The following KCNK13 variants were observed in gnomAD, a reference collection of about 807,000 sequenced individuals.
KCNK13 encodes potassium channel subfamily K member 13.
Under a neutral mutation model 23.4 loss-of-function variants are expected in KCNK13, and 12 were observed. The observed-to-expected ratio is 0.51, with a 90% CI of 0.33 to 0.83. The LOEUF is 0.83. KCNK13 is among the 40% of genes least tolerant of loss of function. KCNK13 has a pLI of 0.02. For missense variants in KCNK13, 463 were observed against 556.3 expected (o/e 0.83, Z 1.69); for synonymous variants, 231 against 229.5 (o/e 1.01, Z -0.06).
chr14:90,062,545 T>C lies in KCNK13; in HGVS notation c.334+6T>C. ...CACCGTCGTTTCCACCATAGGTAAGTGTGCTGGCCGGACTCGCTGACAACC... is the reference window on the plus strand; with the variant it reads ...CACCGTCGTTTCCACCATAGGTAAGCGTGCTGGCCGGACTCGCTGACAACC... On this transcript the variant is annotated splice_donor_region_variant and intron_variant, in intron 1 of 1. Coordinates refer to ENST00000282146, the MANE Select transcript of KCNK13 (RefSeq NM_022054.4). The surrounding 1 kb of genome is among the most constrained non-coding windows in gnomAD (Gnocchi z 4.5). The C allele has an allele frequency of 2.0e-6, 3 of 1,468,662 alleles. No homozygotes were observed. In the South Asian group the frequency reaches 4.2e-5, roughly 20 times the overall value. 91.0% of individuals were successfully genotyped at this position (1,468,662 alleles called of 1,614,324 possible).
chr14:90,132,907 A>G, intron 1 of KCNK13, among the ~76,000 whole-genome samples: 1 of 152,030 alleles, frequency 6.6e-6, no homozygotes, highest in East Asian at 1.9e-4. Context: ...CTGCCACTTC[A>G]CCTTTCCTGC....
chr14:90,106,039 G>T (rs1195344826), intron 1 of KCNK13, among the ~76,000 whole-genome samples: 1 of 152,198 alleles, frequency 6.6e-6, no homozygotes, highest in Non-Finnish European at 1.5e-5. Context: ...TCTGAAACTA[G>T]TTATCCCTGT....
At chr14:90,080,508 C>G (rs911443171) in intron 1 of KCNK13, among the ~76,000 whole-genome samples, 3 of 151,766 alleles carry the variant, frequency 2.0e-5, no homozygotes, top group Non-Finnish European at 4.4e-5. Flanking sequence ...GTATGACGCT[C>G]AGGAAAGAGG....
At chr14:90,083,938 A>G (rs1300582520) in intron 1 of KCNK13, among the ~76,000 whole-genome samples, 1 of 152,186 alleles carries the variant, frequency 6.6e-6, no homozygotes, top group East Asian at 1.9e-4. Context: ...CACTAGTCTT[A>G]GCCCCATTTA....
At chr14:90,074,004 C>T (rs1356388359) in intron 1 of KCNK13, among the ~76,000 whole-genome samples, 7 of 148,816 alleles carry the variant, frequency 4.7e-5, no homozygotes, top group Admixed American at 3.3e-4. Context: ...GATGGGGGGA[C>T]GGAGCCCAGG....
Position 90,184,962 on chromosome 14 carries a change from A to G in KCNK13, c.1186A>G (p.Ile396Val), listed in dbSNP as rs748243594. 20 of 1,609,068 alleles carry G rather than the reference A, an allele frequency of 1.2e-5. No homozygotes were observed. In the East Asian group the frequency reaches 1.6e-4, roughly 13 times the overall value. Reference protein sequence around the residue: ...EFSGGVGAFAIMNNRLAETSG... With the variant: ...EFSGGVGAFAVMNNRLAETSG... ...CTCAGGGGGGGTGGGAGCCTTTGCA[A>G]TCATGAACAACAGGTTGGCAGAGAC... The change falls in exon 2 of 2, where the codon ATC becomes GTC. Residue 396 changes from isoleucine (I) to valine (V), a missense_variant. Ile to Val is a conservative substitution (Grantham distance 29). Transcript: ENST00000282146. The surrounding 1 kb of genome is among the most constrained non-coding windows in gnomAD (Gnocchi z 5.6).
chr14:90,162,035 C>G (rs888912054), intron 1 of KCNK13, among the ~76,000 whole-genome samples: 1 of 152,156 alleles, frequency 6.6e-6, no homozygotes, highest in South Asian at 2.1e-4. Flanking sequence ...AAAAACTTAC[C>G]CAGACGTGGC....
At chr14:90,144,542 G>A (rs1036683674) in intron 1 of KCNK13, among the ~76,000 whole-genome samples, 39 of 122,478 alleles carry the variant, frequency 3.2e-4, no homozygotes, top group African/African-American at 1.1e-3. Flanking sequence ...TGTCACCCAG[G>A]CTGGAGTGTA....
At chr14:90,150,005 A>G (rs533435680) in intron 1 of KCNK13, among the ~76,000 whole-genome samples, 4 of 152,240 alleles carry the variant, frequency 2.6e-5, no homozygotes, top group African/African-American at 7.2e-5. Flanking sequence ...ACCAGCAATT[A>G]CAGTACAGAG....
intron 1 of KCNK13, among the ~76,000 whole-genome samples, chr14:90,093,790 G>T (rs1889376564): frequency 6.6e-6 from 1 of 152,178 alleles, no homozygotes; most frequent in Non-Finnish European, 1.5e-5. Flanking sequence ...TTGTTCATGG[G>T]TGGAGATTTA....
At chr14:90,167,164 C>T (rs1032908836) in intron 1 of KCNK13, among the ~76,000 whole-genome samples, 1 of 152,150 alleles carries the variant, frequency 6.6e-6, no homozygotes, top group Non-Finnish European at 1.5e-5. Flanking sequence ...CTCTGAAAAT[C>T]GGGCACAGAC....
intron 1 of KCNK13, among the ~76,000 whole-genome samples, chr14:90,107,367 A>G (rs1596780696): frequency 6.6e-6 from 1 of 151,692 alleles, no homozygotes; most frequent in African/African-American, 2.4e-5. Flanking sequence ...AGTCCCAGCT[A>G]CTTGGGAGGC....
At chr14:90,099,495 A>G (rs537021584) in intron 1 of KCNK13, among the ~76,000 whole-genome samples, 136 of 152,304 alleles carry the variant, frequency 8.9e-4, no homozygotes, top group African/African-American at 3.1e-3. Flanking sequence ...ATTTGGCTCC[A>G]GGAGATTGAG....
In KCNK13 at chr14:90,185,151, G is replaced by A. The variant is rs1038321295; in HGVS notation, c.*148G>A. On this transcript the variant is annotated 3_prime_UTR_variant, in exon 2 of 2. Coordinates refer to ENST00000282146, the MANE Select transcript of KCNK13 (RefSeq NM_022054.4). ...CAAGCATCTTTAGAAATCTGATCTC[G>A]GCTCCAACCAACAGCCACCTTCCAG... 14 of 659,044 alleles carry A rather than the reference G, an allele frequency of 2.1e-5. No individual in the cohort carries two copies. The highest frequency in any genetic ancestry group is 1.4e-4 in the African/African-American group (8 of 55,520). 40.8% of individuals were successfully genotyped at this position (659,044 alleles called of 1,614,324 possible).
rs1011577338 is a variant in KCNK13, at chr14:90,179,924, GC to G, written c.335-4180del. Among the ~76,000 whole-genome samples the G allele has an allele frequency of 4.6e-5, 7 of 152,146 alleles. No individual in the cohort carries two copies. In the South Asian group the frequency reaches 1.0e-3, roughly 23 times the overall value. On this transcript the variant is annotated intron_variant, in intron 1 of 1. Coordinates refer to ENST00000282146, the MANE Select transcript of KCNK13 (RefSeq NM_022054.4). ...TAGCTTGTGATGCCAGCCAAACCCT[GC>G]CCCCCCTCTCCGGTTTTGGTACCAG... is the stretch of plus-strand genomic sequence containing the variant.
At chr14:90,068,913 G>A (rs1281979701) in intron 1 of KCNK13, among the ~76,000 whole-genome samples, 2 of 152,126 alleles carry the variant, frequency 1.3e-5, no homozygotes, top group Non-Finnish European at 2.9e-5. Flanking sequence ...TCCAGATGCA[G>A]GGATGTGCCG....
chr14:90,150,361 T>TC (rs142895180), intron 1 of KCNK13, among the ~76,000 whole-genome samples: 10,911 of 152,090 alleles, frequency 0.072, 466 homozygotes, highest in South Asian at 0.21. Context: ...ACACCTGTAA[T>TC]CCAGCGTTTG....
chr14:90,107,653 AG>A, intron 1 of KCNK13: 1 of 665,648 alleles, frequency 1.5e-6, no homozygotes, highest in Non-Finnish European at 2.8e-6. Context: ...GATTCTTCCC[AG>A]GGGGACCGCA....
chr14:90,184,874 A>G lies in KCNK13; in HGVS notation c.1098A>G (p.Gln366=). ...NKASLAILQK[Q]LSEMANGCPH... is the part of the protein sequence containing the mutation. ...CCTCGTTGGCCATCCTGCAGAAGCA[A>G]CTGTCTGAGATGGCCAACGGCTGCC... The change falls in exon 2 of 2, where the codon CAA becomes CAG. Residue 366 remains glutamine, a synonymous_variant. Coordinates refer to ENST00000282146, the MANE Select transcript of KCNK13 (RefSeq NM_022054.4). This position sits in a 1 kb window ranked among gnomAD's most constrained non-coding sequence, Gnocchi z 5.6. 6.2e-7 allele frequency: 1 copy of G among 1,613,868 alleles called. No individual in the cohort carries two copies. The highest frequency in any genetic ancestry group is 8.5e-7 in the Non-Finnish European group (1 of 1,179,978).
Sources: allele counts gnomAD v4.1 joint callset (sites outside exome capture counted in the v4.1 genomes callset), GRCh38; gene constraint gnomAD v4.1.1; non-coding constraint Gnocchi (gnomAD v3.1); transcripts MANE v1.5; gene names NCBI Gene and HGNC (gene_info 2026-07-23, HGNC 2026-07-21).